The following KIF3C variants were observed in gnomAD, a reference collection of about 807,000 sequenced individuals.
KIF3C encodes kinesin-like protein KIF3C.
KIF3C carries 12 observed loss-of-function variants against 67.7 expected under a neutral mutation model. That is an observed-to-expected ratio of 0.18 (90% CI 0.11 to 0.29). The LOEUF is 0.29. KIF3C is among the 10% of genes least tolerant of loss of function. The pLI, the probability that KIF3C is intolerant of heterozygous loss-of-function variation, is 1.00. For synonymous variants in KIF3C, 393 were observed against 426.2 expected (o/e 0.92, Z 0.96); for missense variants, 789 against 1,059.6 (o/e 0.74, Z 3.55).
At chr2:25,956,702 G>A (rs750679660) in intron 1 of KIF3C, among the ~76,000 whole-genome samples, 2 of 152,208 alleles carry the variant, frequency 1.3e-5, no homozygotes, top group Non-Finnish European at 2.9e-5. Context: ...CAACTGGTCT[G>A]TTTGCTTTGG....
rs1200510313 is a variant in KIF3C, at chr2:25,930,966, A to C, written c.2007-903T>G. 3.3e-5 allele frequency among the ~76,000 whole-genome samples: 5 copies of C among 152,116 alleles called. No individual in the cohort carries two copies. The East Asian group carries it at 9.7e-4, about 29-fold the overall frequency. On this transcript the variant is annotated intron_variant, in intron 5 of 7. Coordinates refer to ENST00000264712, the MANE Select transcript of KIF3C (RefSeq NM_002254.8). ...CTCCCAAAGATCTGAGATTATAGGC[A>C]TCAGCCACTGCACCCAGCCTTATTA...
At chr2:25,932,423 G>A (rs914529925) in intron 5 of KIF3C, among the ~76,000 whole-genome samples, 1 of 151,492 alleles carries the variant, frequency 6.6e-6, no homozygotes, top group South Asian at 2.1e-4. Context: ...ATAGGCATGA[G>A]CCACTCCACC....
rs1321389716 is a variant in KIF3C at position 25,981,484 on chromosome 2, T to C, written c.434A>G (p.Tyr145Cys). The C allele has an allele frequency of 1.2e-6, 2 of 1,613,644 alleles. No homozygotes were observed. The highest frequency in any genetic ancestry group is 8.5e-7 in the Non-Finnish European group (1 of 1,179,864). ...QNQQYLVRASYLEIYQEEIRD... is the reference protein window; with the variant it reads ...QNQQYLVRASCLEIYQEEIRD... ...AATCTCTTCCTGGTAGATCTCCAAA[T>C]AGGAGGCCCGGACCAGGTACTGTTG... The change falls in exon 1 of 8, where the codon TAT becomes TGT. Residue 145 changes from tyrosine to cysteine, a missense_variant. Physicochemically the swap from Tyr to Cys is radical, Grantham distance 194. Transcript: ENST00000264712. The surrounding 1 kb of genome is among the most constrained non-coding windows in gnomAD (Gnocchi z 8.2).
At position 25,955,547 on chromosome 2, in the gene KIF3C, G is replaced by A. The variant is rs1329623220; in HGVS notation, c.1764C>T (p.Leu588=). 1 of 1,614,038 alleles carries A rather than the reference G, an allele frequency of 6.2e-7. No homozygotes were observed. Among genetic ancestry groups the A allele is most frequent in the Admixed American group, 1.7e-5 (1 of 60,008 alleles). ...TCCTGCTGCAGCGTCTCACCTTCTTGAGTTTCTTGGTTTTGACCTCCACCT... is the reference window on the plus strand; with the variant it reads ...TCCTGCTGCAGCGTCTCACCTTCTTAAGTTTCTTGGTTTTGACCTCCACCT... ...QQEVEVKTKK[L]KKLYAKLQAV... The change falls in exon 3 of 8, where the codon CTC becomes CTT. Residue 588 remains leucine (L), a synonymous_variant. Coordinates refer to ENST00000264712, the MANE Select transcript of KIF3C (RefSeq NM_002254.8). The surrounding 1 kb of genome is among the most constrained non-coding windows in gnomAD (Gnocchi z 5.0).
chr2:25,956,372 C>G lies in KIF3C; in HGVS notation c.1618G>C (p.Glu540Gln), dbSNP rs1455757895. ...TCGGCAATCTCCTGCCTCTTCAGTT[C>G]CAACATCTTCTGCTGTTCGTTGGTG... ...DHTNEQQKML[E>Q]LKRQEIAEQK... Residue 540 changes from glutamate to glutamine, a missense_variant, in exon 2 of 8, where the codon GAA becomes CAA. By Grantham distance (29) the Glu-to-Gln change is conservative. Transcript: ENST00000264712. The G allele has an allele frequency of 6.2e-7, 1 of 1,614,184 alleles. No homozygotes were observed. Among genetic ancestry groups the G allele is most frequent in the South Asian group, 1.1e-5 (1 of 91,088 alleles).
rs1664624235 is a variant in KIF3C at position 25,982,308 on chromosome 2, C to T, written c.-391G>A. 2.5e-6 allele frequency: 1 copy of T among 401,792 alleles called. No homozygotes were observed. Among genetic ancestry groups the T allele is most frequent in the Non-Finnish European group, 4.4e-6 (1 of 228,318 alleles). The allele number at this position is 401,792 out of a possible 1,614,324, so 24.9% of individuals were successfully genotyped here. On this transcript the variant is annotated 5_prime_UTR_variant, in exon 1 of 8. Coordinates refer to ENST00000264712, the MANE Select transcript of KIF3C (RefSeq NM_002254.8). ...GGTGGGCGGCGAGCTGTCTTCTCCT[C>T]CTTCCTCTAGGGATCCATAGCGTGG...
At chr2:25,938,741 G>A (rs1165841927) in intron 5 of KIF3C, among the ~76,000 whole-genome samples, 2 of 152,080 alleles carry the variant, frequency 1.3e-5, no homozygotes, top group Non-Finnish European at 2.9e-5. Flanking sequence ...TGGCAGCCCG[G>A]AGCTGAGGCC....
Position 25,928,729 on chromosome 2 carries a change from G to C in KIF3C, c.*249C>G. 1 of 421,574 alleles carries C rather than the reference G, an allele frequency of 2.4e-6. No individual in the cohort carries two copies. The highest frequency in any genetic ancestry group is 4.3e-6 in the Non-Finnish European group (1 of 232,662). 26.1% of individuals were successfully genotyped at this position (421,574 alleles called of 1,614,324 possible). ...GAAAAAGAGGCTACGCAGTGACCAC[G>C]GTAGGCCCAGACGGCTCAGGCGAGG... is the stretch of plus-strand genomic sequence containing the variant. On this transcript the variant is annotated 3_prime_UTR_variant, in exon 8 of 8. Coordinates refer to ENST00000264712, the MANE Select transcript of KIF3C (RefSeq NM_002254.8).
Position 25,980,758 on chromosome 2 carries a change from A to G in KIF3C, c.1160T>C (p.Ile387Thr). Residue 387 changes from isoleucine to threonine, a missense_variant, in exon 1 of 8, where the codon ATT becomes ACT. Ile to Thr is a moderately conservative substitution (Grantham distance 89). Around this residue, in one of 2 missense-constraint regions of KIF3C, gnomAD observed 648 missense variants for 807.8 expected, o/e 0.80. Coordinates refer to ENST00000264712, the MANE Select transcript of KIF3C (RefSeq NM_002254.8). The surrounding 1 kb of genome is among the most constrained non-coding windows in gnomAD (Gnocchi z 7.6). ...DTLLREFQEE[I>T]ARLKAQLEKR... ...CTCCAGCTGGGCCTTCAGGCGGGCA[A>G]TCTCCTCTTGGAATTCCCGCAGCAG... 1 of 1,613,990 alleles carries G rather than the reference A, an allele frequency of 6.2e-7. No individual in the cohort carries two copies. The highest frequency in any genetic ancestry group is 8.5e-7 in the Non-Finnish European group (1 of 1,179,944).
Position 25,981,083 on chromosome 2 carries a change from C to T in KIF3C, c.835G>A (p.Gly279Ser). 1 of 1,614,128 alleles carries T rather than the reference C, an allele frequency of 6.2e-7. No homozygotes were observed. Among genetic ancestry groups the T allele is most frequent in the Middle Eastern group, 1.6e-4 (1 of 6,062 alleles). The stretch of plus-strand genomic sequence containing the variant: ...GGCCTCTCTCCACCAGCACCACCAC[C>T]ACTGCCTCCACCGCCACCACCGCCA... ...SGGGGGGGGS[G>S]GGAGGERPKE... Residue 279 changes from glycine to serine, a missense_variant, in exon 1 of 8, where the codon GGT (glycine) becomes AGT (serine). By Grantham distance (56) the Gly-to-Ser change is moderately conservative. Coordinates refer to ENST00000264712, the MANE Select transcript of KIF3C (RefSeq NM_002254.8). The surrounding 1 kb of genome is among the most constrained non-coding windows in gnomAD (Gnocchi z 8.2).
chr2:25,947,356 C>T (rs1320622382), intron 5 of KIF3C, among the ~76,000 whole-genome samples: 2 of 151,882 alleles, frequency 1.3e-5, no homozygotes, highest in Admixed American at 1.3e-4. Flanking sequence ...CCGGGGCGGG[C>T]AGATCACGAG....
At chr2:25,947,364 G>A (rs1208702373) in intron 5 of KIF3C, among the ~76,000 whole-genome samples, 3 of 152,012 alleles carry the variant, frequency 2.0e-5, no homozygotes, top group Non-Finnish European at 4.4e-5. Context: ...GGCAGATCAC[G>A]AGGTCAGGAG....
chr2:25,969,113 C>T (rs767904412), intron 1 of KIF3C, among the ~76,000 whole-genome samples: 8 of 152,080 alleles, frequency 5.3e-5, no homozygotes, highest in South Asian at 2.1e-4. Context: ...CGTGAGCCAC[C>T]GCGTCCGGTC....
At chr2:25,971,871 C>CTTTT (rs70950146) in intron 1 of KIF3C, among the ~76,000 whole-genome samples, 1 of 53,802 alleles carries the variant, frequency 1.9e-5, no homozygotes, top group Non-Finnish European at 3.7e-5. Context: ...CCATGCCTAG[C>CTTTT]TTTTTTTTTT....
At chr2:25,929,135 T>C in intron 7 of KIF3C, 64 bp from the exon 8 acceptor site, 3 of 1,476,790 alleles carry the variant, frequency 2.0e-6, no homozygotes, top group Non-Finnish European at 2.8e-6. Flanking sequence ...GGAAAGTGGG[T>C]CCTCTCCTTT....
intron 1 of KIF3C, among the ~76,000 whole-genome samples, chr2:25,971,828 C>T (rs1664290652): frequency 1.3e-5 from 2 of 148,846 alleles, no homozygotes; most frequent in Non-Finnish European, 1.5e-5. Context: ...CCATGTCAGC[C>T]TCCTGAGCAG....
In KIF3C at chr2:25,928,661, G is replaced by C. The variant is rs564759712; in HGVS notation, c.*317C>G. ...TTCCCTTCTGGAGGCAGCTGACAGG[G>C]GGACAAGCCTGAGATCTGACTGGGG... On this transcript the variant is annotated 3_prime_UTR_variant, in exon 8 of 8. Coordinates refer to ENST00000264712, the MANE Select transcript of KIF3C (RefSeq NM_002254.8). 4.7e-6 allele frequency: 1 copy of C among 212,272 alleles called. No homozygotes were observed. Among genetic ancestry groups the C allele is most frequent in the African/African-American group, 2.3e-5 (1 of 43,334 alleles). The allele number at this position is 212,272 out of a possible 1,614,324, so 13.1% of individuals were successfully genotyped here. A position where few individuals can be genotyped will look rare whatever the true frequency, so the allele number is the denominator to read the frequency against.
intron 4 of KIF3C, among the ~76,000 whole-genome samples, chr2:25,952,522 T>C (rs998111102): frequency 1.4e-4 from 12 of 83,284 alleles, no homozygotes; most frequent in African/African-American, 8.3e-4. Flanking sequence ...TAATTGTATA[T>C]ATATGTGTGT....
In KIF3C at chr2:25,963,186, ATATATATATATTTT is replaced by A. The variant is rs1432810065; in HGVS notation, c.1546-6756_1546-6743del. On this transcript the variant is annotated intron_variant, in intron 1 of 7. Transcript: ENST00000264712. ...TGTATGTGTGTGTGTATATATATAT[ATATATATATATTTT>A]TTTTTTTTTTTTTTTTTTTTTTAAA... Among the ~76,000 whole-genome samples, 3 of 49,120 alleles carry A rather than the reference ATATATATATATTTT, an allele frequency of 6.1e-5. No individual in the cohort carries two copies. The East Asian group carries it at 5.6e-3, about 91-fold the overall frequency. 32.2% of individuals were successfully genotyped at this position (49,120 alleles called of 152,430 possible).
Sources: allele counts gnomAD v4.1 joint callset (sites outside exome capture counted in the v4.1 genomes callset), GRCh38; gene constraint gnomAD v4.1.1; regional missense constraint gnomAD v4.1.1; non-coding constraint Gnocchi (gnomAD v3.1); transcripts MANE v1.5; gene names NCBI Gene and HGNC (gene_info 2026-07-23, HGNC 2026-07-21).